The following SEL1L3 variants were observed in gnomAD, a reference collection of about 807,000 sequenced individuals.
SEL1L3 encodes protein sel-1 homolog 3.
Under a neutral mutation model 142.8 loss-of-function variants are expected in SEL1L3, and 76 were observed. The observed-to-expected ratio is 0.53, with a 90% CI of 0.44 to 0.64. The LOEUF is 0.64. Ranked by LOEUF, SEL1L3 falls within the 30% of genes least tolerant of loss-of-function variation. The pLI, the probability that SEL1L3 is intolerant of heterozygous loss-of-function variation, is 0.00. For missense variants in SEL1L3, 1,262 were observed against 1,381.7 expected, an observed-to-expected ratio of 0.91 and a Z score of 1.37; for synonymous variants, 504 against 519.6, an observed-to-expected ratio of 0.97 and a Z score of 0.41.
At position 25,804,897 on chromosome 4, in the gene SEL1L3, A is replaced by G. The variant is rs1481427216; in HGVS notation, c.1565-145T>C. On this transcript the variant is annotated intron_variant, in intron 9 of 23. Transcript: ENST00000399878. ...CCTCAAAATATACCACCTTCCAGGG[A>G]GGTAAATGAAACCCTTTGGGGATGC... 1.8e-5 allele frequency: 12 copies of G among 649,984 alleles called. No homozygotes were observed. The African/African-American group carries it at 2.0e-4, about 11-fold the overall frequency. 40.3% of individuals were successfully genotyped at this position (649,984 alleles called of 1,614,324 possible).
chr4:25,848,802 G>A (rs79675880), intron 1 of SEL1L3, among the ~76,000 whole-genome samples: 5,663 of 152,230 alleles, frequency 0.037, 341 homozygotes, highest in African/African-American at 0.13. Flanking sequence ...GGCTACTATG[G>A]AAAATAGTAT....
intron 20 of SEL1L3, among the ~76,000 whole-genome samples, chr4:25,761,198 T>C (rs1191344497): frequency 6.6e-6 from 1 of 152,194 alleles, no homozygotes; most frequent in Non-Finnish European, 1.5e-5. Flanking sequence ...TTTTGTTTTG[T>C]TTTGTTGAGT....
At chr4:25,860,651 A>G (rs1382245183) in intron 1 of SEL1L3, 2 of 152,134 alleles carry the variant, frequency 1.3e-5, no homozygotes, top group African/African-American at 2.4e-5. Flanking sequence ...CTTGTTTATC[A>G]AAGTCTGTCT....
chr4:25,762,114 A>G (rs1718413573), intron 20 of SEL1L3, among the ~76,000 whole-genome samples: 1 of 152,122 alleles, frequency 6.6e-6, no homozygotes, highest in South Asian at 2.1e-4. Context: ...ACGCCCAGCT[A>G]ATTTTTGTAT....
chr4:25,809,194 A>G (rs1319439300), intron 9 of SEL1L3, among the ~76,000 whole-genome samples: 1 of 151,210 alleles, frequency 6.6e-6, no homozygotes, highest in Non-Finnish European at 1.5e-5. Flanking sequence ...CCCAGACTGC[A>G]GTGCAGTGGC....
In SEL1L3 at chr4:25,808,548, A is replaced by T. The variant is rs573744608; in HGVS notation, c.1565-3796T>A. 3.9e-5 allele frequency among the ~76,000 whole-genome samples: 6 copies of T among 152,278 alleles called. No individual in the cohort carries two copies. The South Asian group carries it at 1.2e-3, about 32-fold the overall frequency. On this transcript the variant is annotated intron_variant, in intron 9 of 23. Coordinates refer to ENST00000399878, the MANE Select transcript of SEL1L3 (RefSeq NM_015187.5). ...CATTCCCTGTGACAGGAATGTAGAC[A>T]TCAATAGGAAAGTCGTTTTTAGTTT...
intron 16 of SEL1L3, among the ~76,000 whole-genome samples, chr4:25,778,548 T>C (rs1203258783): frequency 6.6e-6 from 1 of 152,200 alleles, no homozygotes; most frequent in Non-Finnish European, 1.5e-5. Flanking sequence ...AGCATTTACA[T>C]GGTCATAATA....
intron 9 of SEL1L3, among the ~76,000 whole-genome samples, chr4:25,808,476 A>C (rs1172238054): frequency 2.6e-5 from 4 of 152,204 alleles, no homozygotes; most frequent in Non-Finnish European, 4.4e-5. Context: ...AAGGCCCCGG[A>C]GCTGGGACCA....
At chr4:25,731,250 T>A in the SEL1L3 span, among the ~76,000 whole-genome samples, 2 of 152,242 alleles carry the variant, frequency 1.3e-5, no homozygotes, top group East Asian at 3.9e-4. Flanking sequence ...GTGAGTAAGA[T>A]GTTTGTTTTA....
Position 25,788,213 on chromosome 4 carries a change from G to A in SEL1L3, c.2217+11C>T, listed in dbSNP as rs935055747. On this transcript the variant is annotated intron_variant, in intron 13 of 23. Transcript: ENST00000399878. The surrounding 1 kb of genome is among the most constrained non-coding windows in gnomAD (Gnocchi z 5.3). ...ATTGCACAATTTCAGCACGAATTAA[G>A]TGATTCTTACCTTGAATAGCACAAT... The A allele has an allele frequency of 5.0e-6, 8 of 1,612,494 alleles. No individual in the cohort carries two copies. The Admixed American group carries it at 8.3e-5, about 17-fold the overall frequency.
chr4:25,803,191 C>A (rs1713309329), intron 10 of SEL1L3, among the ~76,000 whole-genome samples: 2 of 152,220 alleles, frequency 1.3e-5, no homozygotes. Flanking sequence ...ACCACCTCAT[C>A]TCACAGTTGG....
At chr4:25,762,660 C>CTT (rs1290065206) in intron 20 of SEL1L3, among the ~76,000 whole-genome samples, 3 of 152,016 alleles carry the variant, frequency 2.0e-5, no homozygotes, top group Non-Finnish European at 4.4e-5. Flanking sequence ...GCACACAATC[C>CTT]TACAATAAAT....
At chr4:25,784,125 A>G in intron 14 of SEL1L3, 103 bp downstream of exon 14, 2 of 976,884 alleles carry the variant, frequency 2.0e-6, no homozygotes, top group Non-Finnish European at 1.6e-6. Context: ...TTTCCACCTT[A>G]GGGCTTTGTA....
In SEL1L3 at chr4:25,748,249, C is replaced by T. The variant is rs1319459893; in HGVS notation, c.*176G>A. On this transcript the variant is annotated 3_prime_UTR_variant, in exon 24 of 24. Coordinates refer to ENST00000399878, the MANE Select transcript of SEL1L3 (RefSeq NM_015187.5). ...TGATGACCTTTGGTATTACCACTGC[C>T]TGATCTGGGTACTTCCTTGTAATTT... 1.6e-6 allele frequency: 1 copy of T among 612,454 alleles called. No homozygotes were observed. Among genetic ancestry groups the T allele is most frequent in the African/African-American group, 1.9e-5 (1 of 54,014 alleles). The allele number at this position is 612,454 out of a possible 1,614,324, so 37.9% of individuals were successfully genotyped here.
At chr4:25,802,217 G>T (rs918235261) in intron 11 of SEL1L3, 66 bp downstream of exon 11, 4 of 1,443,654 alleles carry the variant, frequency 2.8e-6, no homozygotes, top group Admixed American at 4.1e-5. Flanking sequence ...AACCACAGGG[G>T]CAGACACTTC....
chr4:25,845,412 T>C (rs60739383), intron 2 of SEL1L3, among the ~76,000 whole-genome samples: 2,311 of 152,214 alleles, frequency 0.015, 50 homozygotes, highest in African/African-American at 0.051. Flanking sequence ...GGGAGGATTG[T>C]TTGAGCCCAG....
chr4:25,862,719 G>T lies in SEL1L3; in HGVS notation c.118C>A (p.Leu40Ile), dbSNP rs1249557868. 1.5e-5 allele frequency: 19 copies of T among 1,287,186 alleles called. No homozygotes were observed. Among genetic ancestry groups the T allele is most frequent in the Non-Finnish European group, 1.9e-5 (19 of 1,015,436 alleles). 79.7% of individuals were successfully genotyped at this position (1,287,186 alleles called of 1,614,324 possible). A position where few individuals can be genotyped will look rare whatever the true frequency, so the allele number is the denominator to read the frequency against. The change falls in exon 1 of 24, where the codon CTC becomes ATC. Residue 40 changes from leucine to isoleucine, a missense_variant. Around this residue, in one of 3 missense-constraint regions of SEL1L3, gnomAD observed 689 missense variants for 692.8 expected, o/e 0.99. Coordinates refer to ENST00000399878, the MANE Select transcript of SEL1L3 (RefSeq NM_015187.5). The part of the protein sequence containing the change: ...MVPSGGVPQG[L>I]GGRSACALLL... ...AGCGCGCAGGCAGAGCGGCCGCCGA[G>T]GCCCTGGGGGACGCCGCCACTCGGG...
intron 2 of SEL1L3, among the ~76,000 whole-genome samples, chr4:25,845,225 T>C (rs1716431769): frequency 6.6e-6 from 1 of 152,204 alleles, no homozygotes; most frequent in Non-Finnish European, 1.5e-5. Context: ...TCTATACTTA[T>C]TTCAAAATAG....
the SEL1L3 span, among the ~76,000 whole-genome samples, chr4:25,736,086 C>T: frequency 7.9e-5 from 12 of 152,130 alleles, no homozygotes; most frequent in African/African-American, 2.6e-4. Flanking sequence ...GCCTCGGCCT[C>T]CCAAAGTGCT....
Sources: allele counts gnomAD v4.1 joint callset (sites outside exome capture counted in the v4.1 genomes callset), GRCh38; gene constraint gnomAD v4.1.1; regional missense constraint gnomAD v4.1.1; non-coding constraint Gnocchi (gnomAD v3.1); transcripts MANE v1.5; gene names NCBI Gene and HGNC (gene_info 2026-07-23, HGNC 2026-07-21).